Variants in C10orf90 observed in about 807,000 individuals in gnomAD.
The protein encoded by C10orf90 is (E2-independent) E3 ubiquitin-conjugating enzyme FATS.
In C10orf90, 56 loss-of-function variants were observed where a neutral mutation model predicts 62.5. That is an observed-to-expected ratio of 0.90 (90% CI 0.72 to 1.12). C10orf90 has a LOEUF of 1.12. Ranked by LOEUF, C10orf90 falls within the 50% of genes most tolerant of loss-of-function variation. C10orf90 has a pLI of 0.00. For synonymous variants in C10orf90, 386 were observed against 340.4 expected (o/e 1.13, Z -1.47); for missense variants, 970 against 880.4 (o/e 1.10, Z -1.29).
chr10:126,612,592 T>C (rs1423782940), intron 2 of C10orf90, among the ~76,000 whole-genome samples: 1 of 152,190 alleles, frequency 6.6e-6, no homozygotes, highest in African/African-American at 2.4e-5. Context: ...GGATGCCAGA[T>C]AAAAGGGTGT....
At chr10:126,649,076 C>CA (rs376687022) in intron 1 of C10orf90, among the ~76,000 whole-genome samples, 33 of 42,026 alleles carry the variant, frequency 7.9e-4, no homozygotes, top group African/African-American at 1.9e-3. Context: ...CTCTCTCCCC[C>CA]CCCCCCAGCA....
intron 2 of C10orf90, among the ~76,000 whole-genome samples, chr10:126,533,529 A>G (rs1443147488): frequency 2.0e-5 from 3 of 152,190 alleles, no homozygotes; most frequent in African/African-American, 7.2e-5. Flanking sequence ...TCCTGTTTTC[A>G]GGGCACATTG....
At chr10:126,592,030 G>C (rs1202844210) in intron 2 of C10orf90, among the ~76,000 whole-genome samples, 1 of 152,098 alleles carries the variant, frequency 6.6e-6, no homozygotes, top group Non-Finnish European at 1.5e-5. Flanking sequence ...ACAATCCCCT[G>C]CTCAAGGAAA....
chr10:126,470,736 C>T (rs541463488), intron 4 of C10orf90, among the ~76,000 whole-genome samples: 9 of 141,054 alleles, frequency 6.4e-5, no homozygotes, highest in East Asian at 4.1e-4. Flanking sequence ...GGTGACAGAA[C>T]GAGACTCTGT....
intron 4 of C10orf90, 75 bp from the exon 5 acceptor site, chr10:126,465,061 G>A (rs1032736930): frequency 2.5e-5 from 37 of 1,491,402 alleles, no homozygotes; most frequent in Non-Finnish European, 3.2e-5. Flanking sequence ...ACCGCACATG[G>A]TGCTTTTCTC....
At chr10:126,475,064 C>T (rs75637631) in intron 4 of C10orf90, among the ~76,000 whole-genome samples, 2,195 of 152,292 alleles carry the variant, frequency 0.014, 50 homozygotes, top group African/African-American at 0.049. Context: ...CAGCACTGAG[C>T]AGTGAATGTC....
intron 2 of C10orf90, among the ~76,000 whole-genome samples, chr10:126,549,913 C>CCAGAAGGA (rs1864590762): frequency 6.6e-6 from 1 of 151,778 alleles, no homozygotes; most frequent in Non-Finnish European, 1.5e-5. Context: ...AAAGACAATC[C>CCAGAAGGA]CAGAAGGATA....
At chr10:126,628,565 G>A (rs1466118974) in intron 2 of C10orf90, among the ~76,000 whole-genome samples, 2 of 152,190 alleles carry the variant, frequency 1.3e-5, no homozygotes, top group Non-Finnish European at 2.9e-5. Flanking sequence ...ATGGAGCCCA[G>A]GGGGAGGCAT....
At chr10:126,610,759 C>T (rs1452371432) in intron 2 of C10orf90, among the ~76,000 whole-genome samples, 1 of 152,154 alleles carries the variant, frequency 6.6e-6, no homozygotes, top group East Asian at 1.9e-4. Context: ...TTATCTATAG[C>T]TATCATCAAA....
intron 2 of C10orf90, among the ~76,000 whole-genome samples, chr10:126,535,893 G>C (rs568154346): frequency 6.6e-6 from 1 of 152,262 alleles, no homozygotes; most frequent in East Asian, 1.9e-4. Flanking sequence ...CCCTGCTCAG[G>C]GTTTCTCTTC....
rs1296340419 is a variant in C10orf90, at chr10:126,568,447, G to A, written c.314-54508C>T. ...CAGGTCCTCACCATATAGCCCCTCC[G>A]TCTTCAAAGCCAGCACAGAATCCCT... On this transcript the variant is annotated intron_variant, in intron 2 of 9. Coordinates refer to ENST00000488181, the MANE Select transcript of C10orf90 (RefSeq NM_001350921.2). 6.6e-5 allele frequency among the ~76,000 whole-genome samples: 10 copies of A among 152,214 alleles called. No individual in the cohort carries two copies. The East Asian group carries it at 1.4e-3, about 21-fold the overall frequency.
At chr10:126,487,297 C>T (rs935620269) in intron 4 of C10orf90, among the ~76,000 whole-genome samples, 2 of 151,494 alleles carry the variant, frequency 1.3e-5, no homozygotes, top group Non-Finnish European at 2.9e-5. Flanking sequence ...AGACAAAATC[C>T]ATCAGATTCA....
chr10:126,458,026 C>T (rs992052634), intron 7 of C10orf90, among the ~76,000 whole-genome samples: 3 of 152,104 alleles, frequency 2.0e-5, no homozygotes, highest in Non-Finnish European at 4.4e-5. Context: ...CATTCAAATT[C>T]ATCCTTCCCC....
chr10:126,571,268 T>C (rs1844499718), intron 2 of C10orf90, among the ~76,000 whole-genome samples: 1 of 152,200 alleles, frequency 6.6e-6, no homozygotes, highest in Admixed American at 6.5e-5. Flanking sequence ...TCATTCATTC[T>C]TGACCCGGCA....
At chr10:126,649,941 G>T (rs1166502983) in intron 1 of C10orf90, among the ~76,000 whole-genome samples, 1 of 149,978 alleles carries the variant, frequency 6.7e-6, no homozygotes, top group African/African-American at 2.4e-5. Flanking sequence ...AAGGAAGGAA[G>T]TAGTAAGGGA....
intron 2 of C10orf90, among the ~76,000 whole-genome samples, chr10:126,539,436 A>T (rs1233314822): frequency 6.6e-6 from 1 of 152,198 alleles, no homozygotes; most frequent in Non-Finnish European, 1.5e-5. Context: ...GTTTTATGGC[A>T]GGAGTGAAGC....
At chr10:126,559,097 G>A (rs1449578290) in intron 2 of C10orf90, among the ~76,000 whole-genome samples, 1 of 152,230 alleles carries the variant, frequency 6.6e-6, no homozygotes, top group Non-Finnish European at 1.5e-5. Flanking sequence ...TTCTATGCCA[G>A]CTGATATTTG....
intron 7 of C10orf90, among the ~76,000 whole-genome samples, chr10:126,442,898 C>T (rs1858492126): frequency 6.6e-6 from 1 of 151,708 alleles, no homozygotes; most frequent in Admixed American, 6.6e-5. Flanking sequence ...AAATTACCTG[C>T]TCCTGGATGA....
chr10:126,468,444 G>T (rs190561238), intron 4 of C10orf90, among the ~76,000 whole-genome samples: 1 of 152,196 alleles, frequency 6.6e-6, no homozygotes, highest in African/African-American at 2.4e-5. Context: ...CAGCAGGTTG[G>T]CTGGGCCATA....
Sources: allele counts gnomAD v4.1 joint callset (sites outside exome capture counted in the v4.1 genomes callset), GRCh38; gene constraint gnomAD v4.1.1; transcripts MANE v1.5; gene names NCBI Gene and HGNC (gene_info 2026-07-23, HGNC 2026-07-21).